The following PUS7L variants were observed in gnomAD, a reference collection of about 807,000 sequenced individuals.
The protein encoded by PUS7L is pseudouridylate synthase PUS7L.
A neutral mutation model predicts 51.1 loss-of-function variants in PUS7L; 49 were observed. That is an observed-to-expected ratio of 0.96 (90% CI 0.76 to 1.22). PUS7L has a LOEUF of 1.22. PUS7L is among the 50% of genes most tolerant of loss of function. PUS7L has a pLI of 0.00. For synonymous variants in PUS7L, 277 were observed against 276.2 expected (o/e 1.00, Z -0.03); for missense variants, 828 against 820.6 (o/e 1.01, Z -0.11).
At position 43,754,624 on chromosome 12, in the gene PUS7L, G is replaced by A. The variant is rs1938606276; in HGVS notation, c.622C>T (p.His208Tyr). ...KPNLEYKELC[H>Y]LVSEEEAFDF... ...AATGCTTCCTCTTCAGATACCAAATGACAAAGTTCTTTATATTCAAGATTT... is the reference window on the plus strand; with the variant it reads ...AATGCTTCCTCTTCAGATACCAAATAACAAAGTTCTTTATATTCAAGATTT... The change falls in exon 2 of 9, where the codon CAT becomes TAT. Residue 208 changes from histidine to tyrosine, a missense_variant. Transcript: ENST00000344862. 1 of 1,613,080 alleles carries A rather than the reference G, an allele frequency of 6.2e-7. No homozygotes were observed. The highest frequency in any genetic ancestry group is 1.3e-5 in the African/African-American group (1 of 74,818).
chr12:43,745,223 G>A (rs1379664160), intron 4 of PUS7L, among the ~76,000 whole-genome samples: 8 of 152,128 alleles, frequency 5.3e-5, no homozygotes, highest in Admixed American at 3.9e-4. Flanking sequence ...AGTTGTATGT[G>A]CACATTTAAA....
At position 43,730,106 on chromosome 12, in the gene PUS7L, T is replaced by C. The variant is rs1026719630; in HGVS notation, c.*270A>G. On this transcript the variant is annotated 3_prime_UTR_variant, in exon 9 of 9. Transcript: ENST00000344862. ...ATATATTCCTAATGGTTTTAAAAGA[T>C]TGTAACTTTATGACACAGAATAAAG... 2.5e-5 allele frequency: 9 copies of C among 367,132 alleles called. No homozygotes were observed. Among genetic ancestry groups the C allele is most frequent in the Non-Finnish European group, 3.9e-5 (8 of 202,838 alleles). 22.7% of individuals were successfully genotyped at this position (367,132 alleles called of 1,614,324 possible).
intron 7 of PUS7L, among the ~76,000 whole-genome samples, 156 bp from the exon 8 acceptor site, chr12:43,731,914 T>TA (rs1944565758): frequency 6.6e-6 from 1 of 152,054 alleles, no homozygotes; most frequent in African/African-American, 2.4e-5. Context: ...TCTGGAGGAG[T>TA]AGACTACATA....
intron 2 of PUS7L, among the ~76,000 whole-genome samples, chr12:43,749,478 T>C (rs1938339368): frequency 6.6e-6 from 1 of 151,972 alleles, no homozygotes; most frequent in Admixed American, 6.6e-5. Context: ...GAGCAAACAA[T>C]CTAAGACCAG....
In PUS7L at chr12:43,728,292, C is replaced by T. The variant is rs1377581428; in HGVS notation, c.*2084G>A. 6.6e-6 allele frequency: 1 copy of T among 152,098 alleles called. No individual in the cohort carries two copies. Among genetic ancestry groups the T allele is most frequent in the Non-Finnish European group, 1.5e-5 (1 of 68,000 alleles). 9.4% of individuals were successfully genotyped at this position (152,098 alleles called of 1,614,324 possible). Reference sequence around the variant, plus strand: ...AATAAACTTAGTGTTCCTTTATACACTGCTGAAGTATTTACTAAATAAATC... The same window carrying T: ...AATAAACTTAGTGTTCCTTTATACATTGCTGAAGTATTTACTAAATAAATC... On this transcript the variant is annotated 3_prime_UTR_variant, in exon 9 of 9. Transcript: ENST00000344862.
At position 43,743,590 on chromosome 12, in the gene PUS7L, T is replaced by C. The variant is rs867587866; in HGVS notation, c.1264-1035A>G. On this transcript the variant is annotated intron_variant, in intron 4 of 8. Coordinates refer to ENST00000344862, the MANE Select transcript of PUS7L (RefSeq NM_031292.5). ...CATCCTGGCTAACATGGTGAAACCC[T>C]GTCTCTACTAAAAATACAAAAAATT... Among the ~76,000 whole-genome samples the C allele has an allele frequency of 2.6e-5, 4 of 152,118 alleles. No individual in the cohort carries two copies. In the South Asian group the frequency reaches 6.2e-4, roughly 24 times the overall value.
At position 43,754,866 on chromosome 12, in the gene PUS7L, G is replaced by A; in HGVS notation, c.380C>T (p.Ser127Phe). The stretch of plus-strand genomic sequence containing the variant: ...CTCATGAGTTTTTTCATCCAAAAAG[G>A]AGCTTAAAACATCAGCTTTTTCTTC... Reference protein sequence around the residue: ...KCEEKADVLSSFLDEKTHELL... With the variant: ...KCEEKADVLSFFLDEKTHELL... Residue 127 changes from serine (S) to phenylalanine (F), a missense_variant, in exon 2 of 9, where the codon TCC becomes TTC. Transcript: ENST00000344862. 1 of 1,613,624 alleles carries A rather than the reference G, an allele frequency of 6.2e-7. No individual in the cohort carries two copies.
rs985152106 is a variant in PUS7L, at chr12:43,719,361, G to C, written c.*11015C>G. 5.9e-5 allele frequency: 9 copies of C among 152,104 alleles called. No homozygotes were observed. The highest frequency in any genetic ancestry group is 1.5e-5 in the Non-Finnish European group (1 of 68,020). 9.4% of individuals were successfully genotyped at this position (152,104 alleles called of 1,614,324 possible). ...AAAGCTATCAAGAAAAGTAAGAAAAGTATTATAAAAGTTGAAATAAAGCTA... is the reference window on the plus strand; with the variant it reads ...AAAGCTATCAAGAAAAGTAAGAAAACTATTATAAAAGTTGAAATAAAGCTA... On this transcript the variant is annotated 3_prime_UTR_variant, in exon 9 of 9. Transcript: ENST00000344862.
chr12:43,740,599 G>A (rs1937851853), intron 5 of PUS7L, among the ~76,000 whole-genome samples: 1 of 152,120 alleles, frequency 6.6e-6, no homozygotes, highest in African/African-American at 2.4e-5. Context: ...TTCAGGCAAA[G>A]GAAAGAAGAT....
chr12:43,744,185 G>C (rs1938053019), intron 4 of PUS7L, among the ~76,000 whole-genome samples: 1 of 152,194 alleles, frequency 6.6e-6, no homozygotes, highest in South Asian at 2.1e-4. Context: ...GGAAAAAAAA[G>C]TAGAATTTTA....
Position 43,754,629 on chromosome 12 carries a change from A to G in PUS7L, c.617T>C (p.Leu206Pro). The change falls in exon 2 of 9, where the codon CTT becomes CCT. Residue 206 changes from leucine to proline, a missense_variant. By Grantham distance (98) the Leu-to-Pro change is moderately conservative. Coordinates refer to ENST00000344862, the MANE Select transcript of PUS7L (RefSeq NM_031292.5). ...TTCCTCTTCAGATACCAAATGACAA[A>G]GTTCTTTATATTCAAGATTTGGTTT... ...VVKPNLEYKE[L>P]CHLVSEEEAF... is the part of the protein sequence containing the mutation. 6.2e-7 allele frequency: 1 copy of G among 1,613,410 alleles called. No homozygotes were observed. The highest frequency in any genetic ancestry group is 8.5e-7 in the Non-Finnish European group (1 of 1,179,738).
At chr12:43,757,751 G>T (rs1270790016) in intron 1 of PUS7L, among the ~76,000 whole-genome samples, 16 of 152,214 alleles carry the variant, frequency 1.1e-4, no homozygotes, top group Admixed American at 1.0e-3. Flanking sequence ...CATAATGCAA[G>T]AAGTGGCCAT....
chr12:43,752,228 C>T (rs1248099904), intron 2 of PUS7L, among the ~76,000 whole-genome samples: 2 of 152,130 alleles, frequency 1.3e-5, no homozygotes, highest in African/African-American at 2.4e-5. Context: ...GGCTCATTTA[C>T]GTGGCTGGAA....
At chr12:43,743,696 G>A (rs1938019875) in intron 4 of PUS7L, among the ~76,000 whole-genome samples, 1 of 152,050 alleles carries the variant, frequency 6.6e-6, no homozygotes, top group South Asian at 2.1e-4. Flanking sequence ...CCGGGAGGGG[G>A]TGCTTGCAGT....
At chr12:43,758,658 C>CA in intron 1 of PUS7L, 72 bp downstream of exon 1, 1 of 700,884 alleles carries the variant, frequency 1.4e-6, no homozygotes, top group Non-Finnish European at 1.6e-6. Context: ...CTCGTCACCC[C>CA]CCCCCCCCAC....
chr12:43,754,735 G>A lies in PUS7L; in HGVS notation c.511C>T (p.Gln171Ter), dbSNP rs769433829. Residue 171 changes from glutamine (Q) to a stop codon, truncating the protein, a stop_gained, in exon 2 of 9, where the codon CAG (glutamine) becomes TAG (stop). Coordinates refer to ENST00000344862, the MANE Select transcript of PUS7L (RefSeq NM_031292.5). LOFTEE classifies it high-confidence loss of function. ...FSIGRILDKN[Q>*]RASLHSAIRQ... ...ATGGCACTGTGTAAACTAGCCCTCT[G>A]GTTTTTGTCAAGGATTCTGCCTATT... 8 of 1,613,982 alleles carry A rather than the reference G, an allele frequency of 5.0e-6. No individual in the cohort carries two copies. The Admixed American group carries it at 1.3e-4, about 27-fold the overall frequency.
chr12:43,738,277 A>T, intron 6 of PUS7L, 33 bp downstream of exon 6: 1 of 1,063,206 alleles, frequency 9.4e-7, no homozygotes, highest in East Asian at 2.4e-5. Context: ...CTGTATCTGC[A>T]TGGTTATGTA....
At chr12:43,758,266 G>C (rs189181220) in intron 1 of PUS7L, 2 of 962,070 alleles carry the variant, frequency 2.1e-6, no homozygotes, top group African/African-American at 3.5e-5. Flanking sequence ...CCAGCATCCT[G>C]GTAGAAGAGT....
chr12:43,752,986 G>C (rs1938528410), intron 2 of PUS7L, among the ~76,000 whole-genome samples: 1 of 151,772 alleles, frequency 6.6e-6, no homozygotes, highest in African/African-American at 2.4e-5. Flanking sequence ...TTAGAAAAGT[G>C]AATTTAAACT....
Sources: gnomAD v4.1 joint callset for allele counts (sites outside exome capture counted in the v4.1 genomes callset) on GRCh38, gnomAD v4.1.1 for gene constraint, MANE v1.5 for transcripts, NCBI Gene and HGNC (gene_info 2026-07-23, HGNC 2026-07-21) for gene names.